The following LATS2 variants were observed in gnomAD, a reference collection of about 807,000 sequenced individuals.
The protein encoded by LATS2 is serine/threonine-protein kinase LATS2.
LATS2 carries 24 observed loss-of-function variants against 76.0 expected under a neutral mutation model. The observed-to-expected ratio is 0.32, with a 90% CI of 0.23 to 0.44. The LOEUF (loss-of-function observed/expected upper bound fraction) is 0.44. Ranked by LOEUF, LATS2 falls within the 20% of genes least tolerant of loss-of-function variation. The probability of loss-of-function intolerance (pLI) is 1.00; values close to 1 mark genes in which losing one functional copy is unlikely to be tolerated. For synonymous variants in LATS2, 692 were observed against 635.4 expected (o/e 1.09, Z -1.34); for missense variants, 1,286 against 1,481.2 (o/e 0.87, Z 2.16).
intron 3 of LATS2, among the ~76,000 whole-genome samples, chr13:20,990,816 C>T (rs1275059767): frequency 6.6e-6 from 1 of 152,144 alleles, no homozygotes; most frequent in Admixed American, 6.5e-5. Context: ...AGCGCTCTGC[C>T]CACACTGCCT....
intron 2 of LATS2, among the ~76,000 whole-genome samples, chr13:21,028,008 C>A (rs1271306851): frequency 1.3e-5 from 2 of 151,834 alleles, no homozygotes; most frequent in East Asian, 3.9e-4. Flanking sequence ...TATACATGTG[C>A]CATGCTGGTG....
chr13:21,000,461 G>A (rs1370385445), intron 2 of LATS2, among the ~76,000 whole-genome samples: 7 of 152,022 alleles, frequency 4.6e-5, no homozygotes, highest in South Asian at 2.1e-4. Flanking sequence ...ATATTCAGGG[G>A]TGAATATTTA....
chr13:20,999,479 CTTTTT>C (rs570863849), intron 2 of LATS2, among the ~76,000 whole-genome samples: 1 of 151,370 alleles, frequency 6.6e-6, no homozygotes, highest in South Asian at 2.1e-4. Context: ...TTTTCTTTTT[CTTTTT>C]TTTTGACAGG....
At chr13:21,047,225 G>A (rs1328828459) in intron 1 of LATS2, among the ~76,000 whole-genome samples, 2 of 152,218 alleles carry the variant, frequency 1.3e-5, no homozygotes, top group Non-Finnish European at 2.9e-5. Context: ...CTTGTCACAA[G>A]GCTGGGTGAC....
intron 3 of LATS2, among the ~76,000 whole-genome samples, chr13:20,989,865 A>T (rs1484589608): frequency 6.6e-6 from 1 of 152,248 alleles, no homozygotes; most frequent in Non-Finnish European, 1.5e-5. Context: ...ACAATAATAA[A>T]AACCACACAA....
At chr13:21,007,545 GTA>G (rs71090549) in intron 2 of LATS2, among the ~76,000 whole-genome samples, 401 of 3,602 alleles carry the variant, frequency 0.11, 37 homozygotes, top group Admixed American at 0.17. Flanking sequence ...TATATATATA[GTA>G]TATATATATA....
chr13:21,006,682 C>G (rs1871278449), intron 2 of LATS2, among the ~76,000 whole-genome samples: 1 of 152,254 alleles, frequency 6.6e-6, no homozygotes, highest in African/African-American at 2.4e-5. Flanking sequence ...CTGCCGCTGT[C>G]TCCATCAAAA....
Position 20,983,335 on chromosome 13 carries a change from C to G in LATS2, c.2371G>C (p.Asp791His), listed in dbSNP as rs1476582156. 3.7e-6 allele frequency: 6 copies of G among 1,613,976 alleles called. No individual in the cohort carries two copies. Residue 791 changes from aspartate to histidine, a missense_variant, in exon 5 of 8, where the codon GAC becomes CAC. Physicochemically the swap from Asp to His is moderately conservative, Grantham distance 81. This residue lies in a region of LATS2 where 247 missense variants were observed against 385.4 expected (regional missense o/e 0.64). Coordinates refer to ENST00000382592, the MANE Select transcript of LATS2 (RefSeq NM_014572.3). Reference protein sequence around the residue: ...SVHKMGFIHRDIKPDNILIDL... With the variant: ...SVHKMGFIHRHIKPDNILIDL... ...ATCAAAATGTTATCAGGCTTGATGTCTCGGTGGATGAAGCCCATCTTGTGG... is the reference window on the plus strand; with the variant it reads ...ATCAAAATGTTATCAGGCTTGATGTGTCGGTGGATGAAGCCCATCTTGTGG...
At chr13:21,018,595 A>T (rs1029980339) in intron 2 of LATS2, among the ~76,000 whole-genome samples, 3 of 152,222 alleles carry the variant, frequency 2.0e-5, no homozygotes, top group Non-Finnish European at 4.4e-5. Context: ...TCCTTCACCC[A>T]GGTGCCTGAG....
rs774885199 is a variant in LATS2 at position 20,988,048 on chromosome 13, C to A, written c.1732G>T (p.Val578Phe). 36 of 1,614,114 alleles carry A rather than the reference C, an allele frequency of 2.2e-5. No individual in the cohort carries two copies. Among genetic ancestry groups the A allele is most frequent in the Non-Finnish European group, 1.9e-5 (22 of 1,180,050 alleles). The change falls in exon 4 of 8, where the codon GTT becomes TTT. Residue 578 changes from valine to phenylalanine, a missense_variant. Physicochemically the swap from Val to Phe is conservative, Grantham distance 50 (BLOSUM62 -1). Coordinates refer to ENST00000382592, the MANE Select transcript of LATS2 (RefSeq NM_014572.3). Reference protein sequence around the residue: ...KDKKQIQTSPVPVRKNSRDEE... With the variant: ...KDKKQIQTSPFPVRKNSRDEE... ...TCTCTGCTGTTTTTGCGGACGGGAA[C>A]GGGAGAGGTCTGAATCTGCTTTTTA...
intron 2 of LATS2, among the ~76,000 whole-genome samples, chr13:20,998,497 C>A (rs1870863781): frequency 6.6e-6 from 1 of 152,184 alleles, no homozygotes; most frequent in Non-Finnish European, 1.5e-5. Context: ...TGGAGGATTG[C>A]CAGCAGGGTG....
At chr13:20,992,744 G>C (rs911612313) in intron 2 of LATS2, among the ~76,000 whole-genome samples, 1 of 152,108 alleles carries the variant, frequency 6.6e-6, no homozygotes, top group African/African-American at 2.4e-5. Context: ...AGAGAAGAAA[G>C]GGGTGGAGAT....
At position 20,988,247 on chromosome 13, in the gene LATS2, C is replaced by G; in HGVS notation, c.1533G>C (p.Arg511=). The G allele has an allele frequency of 6.2e-7, 1 of 1,601,892 alleles. No homozygotes were observed. The change falls in exon 4 of 8, where the codon CGG becomes CGC. Residue 511 remains arginine (R), a synonymous_variant. Coordinates refer to ENST00000382592, the MANE Select transcript of LATS2 (RefSeq NM_014572.3). Reference sequence around the variant, plus strand: ...TCGGGTAGGGCGGAGGCGGGCACCTCCGGTCTGGGCCTCCGTACTCCACGT... The same window carrying G: ...TCGGGTAGGGCGGAGGCGGGCACCTGCGGTCTGGGCCTCCGTACTCCACGT... ...PLDVEYGGPD[R]RCPPPPYPKH...
In LATS2 at chr13:21,060,956, T is replaced by C. The variant is rs1172496952; in HGVS notation, c.-205+390A>G. Among the ~76,000 whole-genome samples, 17 of 151,014 alleles carry C rather than the reference T, an allele frequency of 1.1e-4. No individual in the cohort carries two copies. The East Asian group carries it at 2.6e-3, about 23-fold the overall frequency. On this transcript the variant is annotated intron_variant, in intron 1 of 7. Transcript: ENST00000382592. The stretch of plus-strand genomic sequence containing the variant: ...AGAGGCGCGCCCGGCGCTACGGCCT[T>C]TCGGGTCTAGGACACCGCCCCCGGC...
chr13:21,018,156 G>A (rs1205455538), intron 2 of LATS2: 1 of 152,160 alleles, frequency 6.6e-6, no homozygotes, highest in Non-Finnish European at 1.5e-5. Flanking sequence ...GTTCAAGGAG[G>A]TCTCTAAAAC....
chr13:21,000,437 T>C (rs1870991011), intron 2 of LATS2, among the ~76,000 whole-genome samples: 1 of 152,170 alleles, frequency 6.6e-6, no homozygotes, highest in African/African-American at 2.4e-5. Context: ...TTCTTGGTCA[T>C]GTATAAACCA....
At chr13:21,052,989 C>T (rs976322928) in intron 1 of LATS2, among the ~76,000 whole-genome samples, 6 of 152,090 alleles carry the variant, frequency 3.9e-5, no homozygotes, top group African/African-American at 1.4e-4. Flanking sequence ...GTAATCCCAG[C>T]ACTTTGGGAG....
intron 1 of LATS2, among the ~76,000 whole-genome samples, chr13:21,060,116 C>A (rs1873579358): frequency 1.3e-5 from 2 of 152,200 alleles, no homozygotes; most frequent in African/African-American, 4.8e-5. Flanking sequence ...GCGCCCTGGT[C>A]GGGTGGGTTT....
At chr13:21,020,341 A>T (rs996031687) in intron 2 of LATS2, among the ~76,000 whole-genome samples, 1 of 152,200 alleles carries the variant, frequency 6.6e-6, no homozygotes, top group Non-Finnish European at 1.5e-5. Context: ...TTTGCCATTA[A>T]AAGTAATGAC....
Sources: gnomAD v4.1 joint callset for allele counts (sites outside exome capture counted in the v4.1 genomes callset) on GRCh38, gnomAD v4.1.1 for gene constraint, gnomAD v4.1.1 regional missense constraint, MANE v1.5 for transcripts, NCBI Gene and HGNC (gene_info 2026-07-23, HGNC 2026-07-21) for gene names.